Variants in TP63 observed in about 807,000 individuals in gnomAD.
The protein encoded by TP63 is tumor protein p63.
In TP63, 17 loss-of-function variants were observed where a neutral mutation model predicts 82.8. The observed-to-expected ratio is 0.21, with a 90% CI of 0.14 to 0.31. The LOEUF (loss-of-function observed/expected upper bound fraction) is 0.31. TP63 is among the 10% of genes least tolerant of loss of function. The probability of loss-of-function intolerance (pLI) is 1.00; values close to 1 mark genes in which losing one functional copy is unlikely to be tolerated. For missense variants in TP63, 648 were observed against 895.3 expected (o/e 0.72, Z 3.52); for synonymous variants, 330 against 321.7 (o/e 1.03, Z -0.28).
At chr3:189,778,984 CGT>C (rs140715964) in intron 3 of TP63, among the ~76,000 whole-genome samples, 4 of 151,970 alleles carry the variant, frequency 2.6e-5, no homozygotes, top group African/African-American at 7.2e-5. Context: ...TCCCATAGCT[CGT>C]GTGTGTGTGT....
intron 1 of TP63, among the ~76,000 whole-genome samples, chr3:189,681,356 A>G (rs138728053): frequency 3.3e-5 from 5 of 152,310 alleles, no homozygotes; most frequent in African/African-American, 9.6e-5. Flanking sequence ...TTCCATTAGC[A>G]TACATTTTAA....
At chr3:189,647,950 CTG>C (rs1178793329) in intron 1 of TP63, among the ~76,000 whole-genome samples, 1 of 143,580 alleles carries the variant, frequency 7.0e-6, no homozygotes, top group South Asian at 2.4e-4. Flanking sequence ...ATGATATAGA[CTG>C]TATTTCGTAA....
chr3:189,737,946 G>A, intron 2 of TP63, 78 bp downstream of exon 2: 1 of 1,565,002 alleles, frequency 6.4e-7, no homozygotes, highest in Non-Finnish European at 8.8e-7. Flanking sequence ...TGCTTACTAG[G>A]GCATGTTTTT....
At chr3:189,886,130 TTC>T (rs930334975) in intron 10 of TP63, among the ~76,000 whole-genome samples, 1 of 152,214 alleles carries the variant, frequency 6.6e-6, no homozygotes, top group African/African-American at 2.4e-5. Context: ...GGCAAGAATT[TTC>T]TCTTTCTCAA....
chr3:189,745,722 A>AAAC (rs1721324162), intron 3 of TP63, among the ~76,000 whole-genome samples: 1 of 150,116 alleles, frequency 6.7e-6, no homozygotes, highest in Admixed American at 6.6e-5. Context: ...AAAAAAAAAA[A>AAAC]AAAAAAAAAG....
intron 1 of TP63, among the ~76,000 whole-genome samples, chr3:189,696,782 C>T (rs1417652624): frequency 6.6e-6 from 1 of 151,714 alleles, no homozygotes; most frequent in African/African-American, 2.4e-5. Context: ...CTTTTATTTT[C>T]CTATGACAAA....
At chr3:189,788,431 T>C (rs970166045) in intron 3 of TP63, among the ~76,000 whole-genome samples, 1 of 152,068 alleles carries the variant, frequency 6.6e-6, no homozygotes, top group Non-Finnish European at 1.5e-5. Context: ...ACTTTGTTTC[T>C]GAAATGTATG....
chr3:189,882,551 T>C (rs1004220801), intron 10 of TP63, among the ~76,000 whole-genome samples: 2 of 151,956 alleles, frequency 1.3e-5, no homozygotes, highest in African/African-American at 4.8e-5. Context: ...AATTCTTTAC[T>C]GCAGAAATGG....
At chr3:189,840,920 G>T (rs1714022263) in intron 4 of TP63, among the ~76,000 whole-genome samples, 2 of 150,604 alleles carry the variant, frequency 1.3e-5, no homozygotes, top group South Asian at 4.2e-4. Context: ...GGGCTTTGAA[G>T]CTAGAGAGCG....
chr3:189,881,576 A>G (rs888400119), intron 10 of TP63: 22 of 941,390 alleles, frequency 2.3e-5, no homozygotes, highest in Non-Finnish European at 2.8e-5. Context: ...TGCTTGAAGT[A>G]GCATGTGTAG....
At chr3:189,621,017 G>C in the TP63 span, among the ~76,000 whole-genome samples, 1 of 152,148 alleles carries the variant, frequency 6.6e-6, no homozygotes, top group Non-Finnish European at 1.5e-5. Flanking sequence ...AGTTTTTATA[G>C]GGTAGAACCA....
intron 1 of TP63, among the ~76,000 whole-genome samples, chr3:189,703,541 C>A (rs1192221701): frequency 6.6e-6 from 1 of 152,136 alleles, no homozygotes; most frequent in Non-Finnish European, 1.5e-5. Flanking sequence ...AGGCAGGTGG[C>A]TGCCAGTTTG....
upstream of TP63, among the ~76,000 whole-genome samples, chr3:189,628,487 C>T (rs1387285962): frequency 6.6e-6 from 1 of 152,088 alleles, no homozygotes; most frequent in East Asian, 1.9e-4. Context: ...CTTTCTCCTA[C>T]GTTATGCTCA....
At chr3:189,657,965 A>G (rs969814869) in intron 1 of TP63, among the ~76,000 whole-genome samples, 2 of 152,112 alleles carry the variant, frequency 1.3e-5, no homozygotes, top group African/African-American at 2.4e-5. Context: ...GATTTCTAAT[A>G]CTAGCTTCTT....
the TP63 span, among the ~76,000 whole-genome samples, chr3:189,607,110 TCAAAATTTCAATATCATGAAATG>T: frequency 8.4e-6 from 1 of 119,572 alleles, no homozygotes; most frequent in African/African-American, 2.8e-5. Context: ...GAAGGGTTCT[TCAAAATTTCAATATCATGAAATG>T]TAAGGAAAGT....
At chr3:189,733,765 C>T (rs77175656) in intron 1 of TP63, among the ~76,000 whole-genome samples, 14,515 of 152,228 alleles carry the variant, frequency 0.095, 897 homozygotes, top group East Asian at 0.28. Context: ...TTCACTTCAA[C>T]GTTAAATCTA....
At chr3:189,871,428 C>G (rs1170940805) in intron 9 of TP63, among the ~76,000 whole-genome samples, 1 of 151,942 alleles carries the variant, frequency 6.6e-6, no homozygotes, top group Non-Finnish European at 1.5e-5. Flanking sequence ...TGTGAGTACC[C>G]AAGAAGCTCC....
intron 1 of TP63, among the ~76,000 whole-genome samples, chr3:189,718,715 T>G (rs1196651192): frequency 6.6e-6 from 1 of 151,962 alleles, no homozygotes; most frequent in African/African-American, 2.4e-5. Flanking sequence ...CATGTAAACA[T>G]ATAATATTGT....
chr3:189,840,536 G>A (rs1258519846), intron 4 of TP63, among the ~76,000 whole-genome samples: 1 of 151,520 alleles, frequency 6.6e-6, no homozygotes, highest in East Asian at 1.9e-4. Context: ...GTAAGGACTT[G>A]GAACATATTC....
Sources: gnomAD v4.1 joint callset for allele counts (sites outside exome capture counted in the v4.1 genomes callset) on GRCh38, gnomAD v4.1.1 for gene constraint, MANE v1.5 for transcripts, NCBI Gene and HGNC (gene_info 2026-07-23, HGNC 2026-07-21) for gene names.